The following LDB2 variants were observed in gnomAD, a reference collection of about 807,000 sequenced individuals.
LDB2 encodes LIM domain-binding protein 2.
Under a neutral mutation model 44.3 loss-of-function variants are expected in LDB2, and 12 were observed. The ratio of observed to expected loss-of-function variants is 0.27; its 90% confidence interval spans 0.17 to 0.44. The LOEUF is 0.44. Among genes scored for constraint, LDB2 ranks in the 20% least tolerant of loss-of-function variants. The pLI is 1.00. For synonymous variants in LDB2, 164 were observed against 174.8 expected (o/e 0.94, Z 0.49); for missense variants, 344 against 473.5 (o/e 0.73, Z 2.54).
At chr4:16,673,560 G>A (rs945798400) in intron 2 of LDB2, among the ~76,000 whole-genome samples, 1 of 152,116 alleles carries the variant, frequency 6.6e-6, no homozygotes, top group African/African-American at 2.4e-5. Context: ...TCAGATTTGA[G>A]GAACTGTCAA....
intron 2 of LDB2, among the ~76,000 whole-genome samples, chr4:16,656,256 C>T (rs143236210): frequency 3.2e-4 from 49 of 152,214 alleles, no homozygotes; most frequent in Admixed American, 8.5e-4. Context: ...TTTCATATTG[C>T]CTTAATTTGT....
intron 2 of LDB2, among the ~76,000 whole-genome samples, chr4:16,730,020 A>T (rs1289675126): frequency 6.6e-6 from 1 of 152,140 alleles, no homozygotes; most frequent in African/African-American, 2.4e-5. Flanking sequence ...CATTTTTCTC[A>T]TGCTAAAAAC....
At position 16,874,161 on chromosome 4, in the gene LDB2, A is replaced by G. The variant is rs560481976; in HGVS notation, c.132+24193T>C. Reference sequence around the variant, plus strand: ...AAACTCCAAACCAAAAACTCGTGGAAAACATTTATAACAAAATTAGATGAT... The same window carrying G: ...AAACTCCAAACCAAAAACTCGTGGAGAACATTTATAACAAAATTAGATGAT... On this transcript the variant is annotated intron_variant, in intron 1 of 7. Transcript: ENST00000304523. 5.5e-4 allele frequency among the ~76,000 whole-genome samples: 84 copies of G among 152,308 alleles called. 1 individual carries two copies. Among genetic ancestry groups the G allele is most frequent in the African/African-American group, 2.0e-3 (82 of 41,570 alleles).
intron 2 of LDB2, among the ~76,000 whole-genome samples, chr4:16,690,386 C>T (rs530506123): frequency 4.7e-5 from 7 of 150,148 alleles, no homozygotes; most frequent in South Asian, 2.1e-4. Flanking sequence ...CACCTGAGCC[C>T]AGGAGGTTGA....
At chr4:16,620,999 T>C (rs544032236) in intron 2 of LDB2, among the ~76,000 whole-genome samples, 1 of 152,352 alleles carries the variant, frequency 6.6e-6, no homozygotes, top group African/African-American at 2.4e-5. Flanking sequence ...CACTGACTAA[T>C]AGTTGGCAGG....
chr4:16,523,065 T>C lies in LDB2; in HGVS notation c.616-10961A>G, dbSNP rs115077188. 3.6e-3 allele frequency among the ~76,000 whole-genome samples: 550 copies of C among 152,318 alleles called. 4 individuals are homozygous for C. The highest frequency in any genetic ancestry group is 0.012 in the African/African-American group (514 of 41,564). On this transcript the variant is annotated intron_variant, in intron 5 of 7. Coordinates refer to ENST00000304523, the MANE Select transcript of LDB2 (RefSeq NM_001290.5). Reference sequence around the variant, plus strand: ...TCAGACATTGACTGTCTATTGTCTGTCACTATATTAGTCAGGATTCTTTAG... The same window carrying C: ...TCAGACATTGACTGTCTATTGTCTGCCACTATATTAGTCAGGATTCTTTAG...
intron 1 of LDB2, among the ~76,000 whole-genome samples, chr4:16,782,772 A>C (rs1773573234): frequency 6.6e-6 from 1 of 152,208 alleles, no homozygotes; most frequent in South Asian, 2.1e-4. Context: ...GAACTGTGCT[A>C]GGAGATGGGA....
intron 2 of LDB2, among the ~76,000 whole-genome samples, chr4:16,599,790 T>C (rs991178991): frequency 6.6e-6 from 1 of 152,234 alleles, no homozygotes; most frequent in Admixed American, 6.5e-5. Context: ...AAACATTCAC[T>C]GAACCTGGAG....
intron 1 of LDB2, among the ~76,000 whole-genome samples, chr4:16,854,011 G>A (rs1788821837): frequency 6.6e-6 from 1 of 152,078 alleles, no homozygotes; most frequent in Non-Finnish European, 1.5e-5. Context: ...GGAAGAGGTA[G>A]ATTGAAGAAT....
intron 2 of LDB2, among the ~76,000 whole-genome samples, chr4:16,641,727 C>A (rs1735216979): frequency 6.6e-6 from 1 of 152,138 alleles, no homozygotes; most frequent in Admixed American, 6.5e-5. Context: ...ATCTCCAACA[C>A]TGGATGTCAC....
chr4:16,691,767 G>A (rs1038250990), intron 2 of LDB2, among the ~76,000 whole-genome samples: 2 of 152,096 alleles, frequency 1.3e-5, no homozygotes, highest in Non-Finnish European at 2.9e-5. Context: ...TAAAATAAAA[G>A]GGAGAAGTTA....
At chr4:16,632,760 A>T (rs1351795291) in intron 2 of LDB2, among the ~76,000 whole-genome samples, 1 of 152,152 alleles carries the variant, frequency 6.6e-6, no homozygotes, top group African/African-American at 2.4e-5. Context: ...ATCTGCAAAA[A>T]TCAAGCATTC....
intron 1 of LDB2, among the ~76,000 whole-genome samples, chr4:16,796,777 A>T (rs1776824721): frequency 1.3e-5 from 2 of 152,180 alleles, no homozygotes; most frequent in African/African-American, 4.8e-5. Flanking sequence ...ATAGGATGTG[A>T]TGAGAATGGC....
intron 1 of LDB2, among the ~76,000 whole-genome samples, chr4:16,816,618 C>T (rs1003475349): frequency 6.6e-6 from 1 of 151,904 alleles, no homozygotes; most frequent in Non-Finnish European, 1.5e-5. Context: ...ACCATGTTTG[C>T]CAGGATGGTC....
At chr4:16,544,105 A>G (rs1734850659) in intron 5 of LDB2, among the ~76,000 whole-genome samples, 1 of 152,220 alleles carries the variant, frequency 6.6e-6, no homozygotes, top group African/African-American at 2.4e-5. Context: ...TGGAAATGTT[A>G]CACTTTATGA....
At position 16,763,073 on chromosome 4, in the gene LDB2, CCACACACACACACACA is replaced by C. The variant is rs57168902; in HGVS notation, c.133-3829_133-3814del. On this transcript the variant is annotated intron_variant, in intron 1 of 7. Coordinates refer to ENST00000304523, the MANE Select transcript of LDB2 (RefSeq NM_001290.5). Reference sequence around the variant, plus strand: ...GGGAGAATGGGCACATTAGGTAACACCACACACACACACACACACACACACACACACACACACACAC... The same window carrying C: ...GGGAGAATGGGCACATTAGGTAACACCACACACACACACACACACACACAC... Among the ~76,000 whole-genome samples the C allele has an allele frequency of 2.4e-4, 33 of 140,234 alleles. 1 individual carries two copies. Among genetic ancestry groups the C allele is most frequent in the Admixed American group, 4.9e-4 (7 of 14,214 alleles). The allele number at this position is 140,234 out of a possible 152,430, so 92.0% of individuals were successfully genotyped here.
At chr4:16,503,004 A>G (rs958237273) in intron 7 of LDB2, 131 bp from the exon 8 acceptor site, 7 of 1,593,872 alleles carry the variant, frequency 4.4e-6, no homozygotes, top group Admixed American at 1.7e-5. Flanking sequence ...TCAAGTCTCA[A>G]TGTCGGGGGC....
At chr4:16,567,012 T>C (rs1321230608) in intron 5 of LDB2, among the ~76,000 whole-genome samples, 1 of 152,214 alleles carries the variant, frequency 6.6e-6, no homozygotes, top group Admixed American at 6.5e-5. Flanking sequence ...GGGAAAATAG[T>C]CATTTTCATA....
chr4:16,729,570 C>T (rs1424741959), intron 2 of LDB2, among the ~76,000 whole-genome samples: 2 of 152,122 alleles, frequency 1.3e-5, no homozygotes, highest in South Asian at 4.1e-4. Context: ...CGCTTTTATC[C>T]TCCAAATCCC....
Sources: gnomAD v4.1 joint callset for allele counts (sites outside exome capture counted in the v4.1 genomes callset) on GRCh38, gnomAD v4.1.1 for gene constraint, MANE v1.5 for transcripts, NCBI Gene and HGNC (gene_info 2026-07-23, HGNC 2026-07-21) for gene names.